Variants in ATG5 observed in about 807,000 individuals in gnomAD.
ATG5 encodes the protein autophagy protein 5.
In ATG5, 14 loss-of-function variants were observed where a neutral mutation model predicts 36.5. The observed-to-expected ratio is 0.38, with a 90% CI of 0.25 to 0.60. The LOEUF is 0.60. Among genes scored for constraint, ATG5 ranks in the 20% least tolerant of loss-of-function variants. The pLI is 0.60. For missense variants in ATG5, 195 were observed against 326.7 expected (o/e 0.60, Z 3.11); for synonymous variants, 95 against 101.5 (o/e 0.94, Z 0.38).
At chr6:106,288,914 A>G (rs1780193100) in intron 4 of ATG5, among the ~76,000 whole-genome samples, 1 of 152,076 alleles carries the variant, frequency 6.6e-6, no homozygotes, top group Admixed American at 6.6e-5. Flanking sequence ...TGAAGAGTTT[A>G]GTCTGAACTA....
At chr6:106,324,784 T>C (rs186490714) in intron 1 of ATG5, among the ~76,000 whole-genome samples, 2 of 152,330 alleles carry the variant, frequency 1.3e-5, no homozygotes, top group East Asian at 3.9e-4. Flanking sequence ...CATCGTTATT[T>C]TCAAATTCAA....
rs566804644 is a variant in ATG5 at position 106,246,535 on chromosome 6, A to C, written c.573+1615T>G. 1.2e-4 allele frequency among the ~76,000 whole-genome samples: 19 copies of C among 152,260 alleles called. No homozygotes were observed. In the South Asian group the frequency reaches 3.1e-3, roughly 25 times the overall value. On this transcript the variant is annotated intron_variant, in intron 6 of 7. Coordinates refer to ENST00000369076, the MANE Select transcript of ATG5 (RefSeq NM_004849.4). ...CCCCTAAAACAGAATAAATTCAAAA[A>C]GGAAAACCTTTCCTCTGTACACATG...
intron 7 of ATG5, among the ~76,000 whole-genome samples, chr6:106,194,791 T>C (rs1379582322): frequency 6.6e-6 from 1 of 152,144 alleles, no homozygotes; most frequent in Non-Finnish European, 1.5e-5. Context: ...CCCGCCTAGC[T>C]TACCACGTTG....
intron 2 of ATG5, among the ~76,000 whole-genome samples, chr6:106,312,557 AAGCAG>A (rs1290351046): frequency 2.0e-5 from 3 of 152,080 alleles, no homozygotes; most frequent in South Asian, 4.2e-4. Context: ...AAAAAAAAGA[AAGCAG>A]AGCCCTAAGA....
At chr6:106,197,362 CA>C (rs923926684) in intron 7 of ATG5, among the ~76,000 whole-genome samples, 4 of 151,810 alleles carry the variant, frequency 2.6e-5, no homozygotes, top group African/African-American at 9.7e-5. Context: ...CTTTTGTTTT[CA>C]AAAAAGGTAG....
At chr6:106,233,068 G>A (rs57608855) in intron 6 of ATG5, among the ~76,000 whole-genome samples, 4,007 of 152,218 alleles carry the variant, frequency 0.026, 74 homozygotes, top group African/African-American at 0.05. Context: ...ACTTTTAGCC[G>A]CCAGTTCAGA....
intron 5 of ATG5, among the ~76,000 whole-genome samples, chr6:106,249,053 C>A (rs1778461330): frequency 6.6e-6 from 1 of 152,220 alleles, no homozygotes; most frequent in East Asian, 1.9e-4. Flanking sequence ...GAAGTGCCAA[C>A]TGCAGCTTAA....
rs957254892 is a variant in ATG5, at chr6:106,185,472, T to C, written c.*1068A>G. ...TCCTTATATTGAATAAGAACTCCAGTAACCTCTGGATATTTTTGGTAAAAA... is the reference window on the plus strand; with the variant it reads ...TCCTTATATTGAATAAGAACTCCAGCAACCTCTGGATATTTTTGGTAAAAA... On this transcript the variant is annotated 3_prime_UTR_variant, in exon 8 of 8. Coordinates refer to ENST00000369076, the MANE Select transcript of ATG5 (RefSeq NM_004849.4). 1 of 152,400 alleles carries C rather than the reference T, an allele frequency of 6.6e-6. No homozygotes were observed. Among genetic ancestry groups the C allele is most frequent in the African/African-American group, 2.4e-5 (1 of 41,424 alleles). 9.4% of individuals were successfully genotyped at this position (152,400 alleles called of 1,614,324 possible).
At chr6:106,305,295 T>A (rs1477512716) in intron 3 of ATG5, among the ~76,000 whole-genome samples, 1 of 152,170 alleles carries the variant, frequency 6.6e-6, no homozygotes, top group African/African-American at 2.4e-5. Context: ...ACTATTTCTT[T>A]AAAAAATCTT....
intron 6 of ATG5, among the ~76,000 whole-genome samples, chr6:106,226,995 A>C (rs1306869824): frequency 1.3e-5 from 2 of 152,162 alleles, no homozygotes; most frequent in Non-Finnish European, 2.9e-5. Context: ...TATACATATA[A>C]TGAGAGGCCC....
intron 6 of ATG5, among the ~76,000 whole-genome samples, chr6:106,212,126 T>C (rs1317625996): frequency 6.6e-6 from 1 of 152,226 alleles, no homozygotes; most frequent in Non-Finnish European, 1.5e-5. Flanking sequence ...CTATGTGTTA[T>C]TTAAGAATTA....
intron 2 of ATG5, among the ~76,000 whole-genome samples, chr6:106,312,657 C>CACACACAT (rs1447019937): frequency 1.4e-5 from 2 of 141,516 alleles, no homozygotes; most frequent in Admixed American, 7.2e-5. Flanking sequence ...CACACACACA[C>CACACACAT]ACATAAAAAC....
chr6:106,231,840 A>T (rs1224589659), intron 6 of ATG5, among the ~76,000 whole-genome samples: 1 of 151,636 alleles, frequency 6.6e-6, no homozygotes, highest in Non-Finnish European at 1.5e-5. Flanking sequence ...CAAATGGGAT[A>T]AAAAAAAGGC....
intron 1 of ATG5, 121 bp from the exon 2 acceptor site, chr6:106,316,387 C>T (rs75345161): frequency 2.4e-5 from 10 of 425,168 alleles, no homozygotes; most frequent in South Asian, 1.0e-4. Context: ...AAAAAAAAAA[C>T]GATGATCACC....
At chr6:106,318,629 C>T (rs1372962115) in intron 1 of ATG5, among the ~76,000 whole-genome samples, 1 of 152,032 alleles carries the variant, frequency 6.6e-6, no homozygotes, top group African/African-American at 2.4e-5. Flanking sequence ...TTTGCAAGAC[C>T]TCAAGGGAAG....
At chr6:106,271,510 ACT>A (rs1205661968) in intron 5 of ATG5, 1 of 152,044 alleles carries the variant, frequency 6.6e-6, no homozygotes, top group Non-Finnish European at 1.5e-5. Flanking sequence ...TTCCTCTTGG[ACT>A]CTCTAGCCGC....
chr6:106,265,437 A>G (rs1779192008), intron 5 of ATG5, among the ~76,000 whole-genome samples: 1 of 152,228 alleles, frequency 6.6e-6, no homozygotes, highest in Non-Finnish European at 1.5e-5. Context: ...AATATTACAC[A>G]GATCAACGAG....
intron 6 of ATG5, among the ~76,000 whole-genome samples, chr6:106,212,416 G>A (rs529628819): frequency 1.3e-5 from 2 of 152,312 alleles, no homozygotes; most frequent in East Asian, 1.9e-4. Flanking sequence ...CAAGGCGGGC[G>A]GATCACCTGA....
chr6:106,244,647 C>A (rs1778260131), intron 6 of ATG5, among the ~76,000 whole-genome samples: 1 of 152,208 alleles, frequency 6.6e-6, no homozygotes, highest in Non-Finnish European at 1.5e-5. Flanking sequence ...AATCACAGTT[C>A]CAATGTTATA....
Sources: allele counts gnomAD v4.1 joint callset (sites outside exome capture counted in the v4.1 genomes callset), GRCh38; gene constraint gnomAD v4.1.1; transcripts MANE v1.5; gene names NCBI Gene and HGNC (gene_info 2026-07-23, HGNC 2026-07-21).